The following RBFOX1 variants were observed in gnomAD, a reference collection of about 807,000 sequenced individuals.
RBFOX1 encodes the protein RNA binding fox-1 homolog 1.
RBFOX1 carries 8 observed loss-of-function variants against 57.7 expected under a neutral mutation model. The observed-to-expected ratio is 0.14, with a 90% CI of 0.08 to 0.25. The LOEUF (loss-of-function observed/expected upper bound fraction) is 0.25, where lower values mean the gene tolerates loss of function less well. Among genes scored for constraint, RBFOX1 ranks in the 10% least tolerant of loss-of-function variants. The probability of loss-of-function intolerance (pLI) is 1.00; values close to 1 mark genes in which losing one functional copy is unlikely to be tolerated. For missense variants in RBFOX1, 611 were observed against 548.5 expected (o/e 1.11, Z -1.14); for synonymous variants, 326 against 222.4 (o/e 1.47, Z -4.15).
chr16:7,336,397 C>T (rs1022907651), intron 4 of RBFOX1, among the ~76,000 whole-genome samples: 6 of 152,334 alleles, frequency 3.9e-5, no homozygotes, highest in South Asian at 2.1e-4. Flanking sequence ...TTGGACAAAT[C>T]GTTCCCATTT....
At chr16:6,816,505 G>A (rs1313894650) in intron 3 of RBFOX1, among the ~76,000 whole-genome samples, 1 of 151,138 alleles carries the variant, frequency 6.6e-6, no homozygotes, top group Non-Finnish European at 1.5e-5. Flanking sequence ...ACTTTGGGAA[G>A]CCAAGGCGGA....
chr16:6,996,326 A>G (rs1330631351), intron 3 of RBFOX1, among the ~76,000 whole-genome samples: 1 of 152,084 alleles, frequency 6.6e-6, no homozygotes, highest in African/African-American at 2.4e-5. Context: ...TTTAAATTTG[A>G]TATTCGGACA....
chr16:5,542,511 C>T (rs938588795), intron 2 of RBFOX1, among the ~76,000 whole-genome samples: 11 of 151,870 alleles, frequency 7.2e-5, no homozygotes, highest in East Asian at 3.9e-4. Flanking sequence ...CCCGCCTCGG[C>T]CTCCCAAAGT....
At chr16:5,520,522 C>G (rs1036371500) in intron 2 of RBFOX1, among the ~76,000 whole-genome samples, 2 of 152,200 alleles carry the variant, frequency 1.3e-5, no homozygotes, top group Non-Finnish European at 2.9e-5. Flanking sequence ...AACATTTTCA[C>G]AATTCTCTCC....
At chr16:6,388,073 G>C (rs563616439) in intron 2 of RBFOX1, among the ~76,000 whole-genome samples, 1 of 143,460 alleles carries the variant, frequency 7.0e-6, no homozygotes, top group African/African-American at 2.7e-5. Context: ...TCTGCCTCTC[G>C]GGTTCAAGCG....
At chr16:6,583,719 T>C (rs1361989142) in intron 2 of RBFOX1, among the ~76,000 whole-genome samples, 2 of 152,356 alleles carry the variant, frequency 1.3e-5, no homozygotes, top group African/African-American at 4.8e-5. Context: ...GTAGTAACTT[T>C]TAATAGGTCA....
chr16:6,704,689 C>G (rs72764932), intron 3 of RBFOX1: 5,385 of 152,250 alleles, frequency 0.035, 138 homozygotes, highest in South Asian at 0.078. Flanking sequence ...ATCCCAAATC[C>G]ATATATTATT....
chr16:5,491,373 A>G (rs1048154873), intron 2 of RBFOX1, among the ~76,000 whole-genome samples: 1 of 152,162 alleles, frequency 6.6e-6, no homozygotes, highest in Non-Finnish European at 1.5e-5. Context: ...GGAAATTCCT[A>G]TCAATGGAAT....
chr16:5,465,446 G>C (rs2068923054), intron 1 of RBFOX1, among the ~76,000 whole-genome samples: 1 of 152,206 alleles, frequency 6.6e-6, no homozygotes, highest in South Asian at 2.1e-4. Context: ...AAACACAGGA[G>C]TTTTGTGGGG....
At chr16:7,117,372 A>G (rs1434908285) in intron 4 of RBFOX1, among the ~76,000 whole-genome samples, 1 of 152,290 alleles carries the variant, frequency 6.6e-6, no homozygotes, top group Non-Finnish European at 1.5e-5. Context: ...TTTTCTGTAA[A>G]GTATGTGGAT....
chr16:5,388,110 A>G (rs1027316424), intron 1 of RBFOX1, among the ~76,000 whole-genome samples: 6 of 152,192 alleles, frequency 3.9e-5, no homozygotes, highest in Admixed American at 3.3e-4. Flanking sequence ...AGGGAGAACT[A>G]TGTCAGACTT....
chr16:6,637,564 T>TCTATATAGTATATATATAATAA, intron 2 of RBFOX1, among the ~76,000 whole-genome samples: 2 of 128,476 alleles, frequency 1.6e-5, no homozygotes, highest in East Asian at 4.3e-4. Context: ...ATATATAATA[T>TCTATATAGTATATATATAATAA]TCTATATAGT....
intron 4 of RBFOX1, among the ~76,000 whole-genome samples, chr16:5,975,985 A>G (rs2060054021): frequency 6.6e-6 from 1 of 151,988 alleles, no homozygotes; most frequent in Non-Finnish European, 1.5e-5. Context: ...CTCTGCTAAT[A>G]ATACAAAAAT....
At chr16:6,863,363 C>G (rs989694935) in intron 3 of RBFOX1, among the ~76,000 whole-genome samples, 16 of 152,060 alleles carry the variant, frequency 1.1e-4, no homozygotes, top group Non-Finnish European at 2.1e-4. Context: ...TGGTGACTCA[C>G]TAATCTTCAA....
At chr16:6,886,793 A>AG (rs2064150046) in intron 3 of RBFOX1, among the ~76,000 whole-genome samples, 1 of 151,496 alleles carries the variant, frequency 6.6e-6, no homozygotes, top group African/African-American at 2.4e-5. Context: ...CAAAAAAAAA[A>AG]CCAGAAAAAA....
At position 6,942,897 on chromosome 16, in the gene RBFOX1, A is replaced by C. The variant is rs190529596; in HGVS notation, c.-15-109160A>C. Among the ~76,000 whole-genome samples, 240 of 152,312 alleles carry C rather than the reference A, an allele frequency of 1.6e-3. 1 individual carries two copies. The highest frequency in any genetic ancestry group is 6.8e-3 in the Middle Eastern group (2 of 294). ...TGATGCTCGCAGTTTGCAGTATACA[A>C]AGTACACAGTTGTGGTACCGACAGG... On this transcript the variant is annotated intron_variant, in intron 3 of 15. Transcript: ENST00000550418.
At chr16:5,902,452 C>T (rs1331763536) in intron 4 of RBFOX1, among the ~76,000 whole-genome samples, 5 of 152,066 alleles carry the variant, frequency 3.3e-5, no homozygotes, top group Non-Finnish European at 7.3e-5. Context: ...CTTGCTCTGA[C>T]ACCCAGACTG....
intron 1 of RBFOX1, among the ~76,000 whole-genome samples, chr16:6,232,382 A>G (rs1195289498): frequency 6.6e-6 from 1 of 152,148 alleles, no homozygotes; most frequent in African/African-American, 2.4e-5. Flanking sequence ...ATTATAAAAT[A>G]TGTGTTCTTT....
intron 3 of RBFOX1, among the ~76,000 whole-genome samples, chr16:5,697,982 A>G (rs1294967327): frequency 6.6e-6 from 1 of 152,226 alleles, no homozygotes; most frequent in African/African-American, 2.4e-5. Context: ...CCTGGTCTTC[A>G]TAAATTGTTG....
Sources: gnomAD v4.1 joint callset for allele counts (sites outside exome capture counted in the v4.1 genomes callset) on GRCh38, gnomAD v4.1.1 for gene constraint, MANE v1.5 for transcripts, NCBI Gene and HGNC (gene_info 2026-07-23, HGNC 2026-07-21) for gene names.